ZRANB3: variants seen among roughly 807,000 people sequenced by gnomAD.
ZRANB3 encodes the protein zinc finger RANBP2-type containing 3.
ZRANB3 carries 125 observed loss-of-function variants against 133.8 expected under a neutral mutation model. The observed-to-expected ratio is 0.93, with a 90% CI of 0.81 to 1.08. The LOEUF (loss-of-function observed/expected upper bound fraction) is 1.08. Ranked by LOEUF, ZRANB3 falls within the 50% of genes least tolerant of loss-of-function variation. The pLI is 0.00. For missense variants in ZRANB3, 1,229 were observed against 1,275.5 expected, an observed-to-expected ratio of 0.96 and a Z score of 0.56; for synonymous variants, 387 against 432.7, an observed-to-expected ratio of 0.89 and a Z score of 1.31.
At chr2:135,326,760 C>T (rs949644613) in intron 6 of ZRANB3, among the ~76,000 whole-genome samples, 68 of 151,800 alleles carry the variant, frequency 4.5e-4, no homozygotes, top group Admixed American at 3.3e-3. Context: ...ATTAGCCAGG[C>T]GTGGTGGTGC....
intron 2 of ZRANB3, among the ~76,000 whole-genome samples, chr2:135,485,181 A>C (rs966686288): frequency 1.1e-4 from 17 of 148,160 alleles, no homozygotes; most frequent in African/African-American, 4.3e-4. Context: ...AACAAAACAA[A>C]ACAAAACATA....
At chr2:135,303,868 T>C (rs1682559649) in intron 8 of ZRANB3, among the ~76,000 whole-genome samples, 1 of 152,202 alleles carries the variant, frequency 6.6e-6, no homozygotes, top group Non-Finnish European at 1.5e-5. Context: ...GTTGACTTTA[T>C]TCTAAATTAG....
At chr2:135,424,594 A>G (rs528118932) in intron 2 of ZRANB3, among the ~76,000 whole-genome samples, 5 of 152,132 alleles carry the variant, frequency 3.3e-5, no homozygotes, top group African/African-American at 9.7e-5. Context: ...TTAGCCGAGC[A>G]TGGTGGAAGG....
intron 12 of ZRANB3, among the ~76,000 whole-genome samples, chr2:135,264,840 G>A (rs1680148365): frequency 6.6e-6 from 1 of 151,714 alleles, no homozygotes; most frequent in East Asian, 1.9e-4. Context: ...TCTGCCTTCA[G>A]GTGGTTCAAG....
At chr2:135,323,501 T>C (rs1048589804) in intron 6 of ZRANB3, among the ~76,000 whole-genome samples, 2 of 152,126 alleles carry the variant, frequency 1.3e-5, no homozygotes, top group Non-Finnish European at 2.9e-5. Context: ...ACAGCCCAGA[T>C]AAACAGAACA....
rs547897971 is a variant in ZRANB3, at chr2:135,314,951, T to C, written c.849+408A>G. On this transcript the variant is annotated intron_variant, in intron 7 of 20. Transcript: ENST00000264159. ...TTTTAGTAGAGACGAGTTTTCACCATGTTGGCCAGCTGGTCTCAAACTCCT... is the reference window on the plus strand; with the variant it reads ...TTTTAGTAGAGACGAGTTTTCACCACGTTGGCCAGCTGGTCTCAAACTCCT... Among the ~76,000 whole-genome samples, 33 of 152,100 alleles carry C rather than the reference T, an allele frequency of 2.2e-4. No homozygotes were observed. In the South Asian group the frequency reaches 5.8e-3, roughly 27 times the overall value.
intron 2 of ZRANB3, among the ~76,000 whole-genome samples, chr2:135,479,955 T>A (rs914636090): frequency 6.6e-6 from 1 of 151,892 alleles, no homozygotes; most frequent in Admixed American, 6.6e-5. Flanking sequence ...TTTTTTTTTT[T>A]GAGACGGATG....
chr2:135,450,335 T>C (rs1237686507), intron 2 of ZRANB3, among the ~76,000 whole-genome samples: 1 of 151,010 alleles, frequency 6.6e-6, no homozygotes. Flanking sequence ...TGAGAGCTTA[T>C]ATAACAGGCA....
chr2:135,433,491 T>C (rs969109158), intron 2 of ZRANB3, among the ~76,000 whole-genome samples: 4 of 152,190 alleles, frequency 2.6e-5, no homozygotes, highest in Non-Finnish European at 5.9e-5. Context: ...GAACCCAAGA[T>C]AGGCCTACTC....
At chr2:135,299,944 G>T (rs1682349522) in intron 8 of ZRANB3, among the ~76,000 whole-genome samples, 1 of 152,132 alleles carries the variant, frequency 6.6e-6, no homozygotes, top group South Asian at 2.1e-4. Flanking sequence ...AGCAGAGAAA[G>T]AAATCTTTTA....
In ZRANB3 at chr2:135,265,593, C is replaced by G. The variant is rs754242926; in HGVS notation, c.1480G>C (p.Glu494Gln). 9.3e-6 allele frequency: 15 copies of G among 1,613,532 alleles called. No homozygotes were observed. In the East Asian group the frequency reaches 3.1e-4, roughly 34 times the overall value. Residue 494 changes from glutamate (E) to glutamine (Q), a missense_variant, in exon 12 of 21, where the codon GAA becomes CAA. Glu to Gln is a conservative substitution (Grantham distance 29, BLOSUM62 2). Transcript: ENST00000264159. ...KEKWDFLQFAEAWTPNDSSEE... is the reference protein window; with the variant it reads ...KEKWDFLQFAQAWTPNDSSEE... The stretch of plus-strand genomic sequence containing the variant: ...GAACTGTCATTTGGAGTCCAAGCTT[C>G]AGCAAACTGCAGGAAATCCCATTTT...
chr2:135,218,983 G>T, intron 16 of ZRANB3, 94 bp downstream of exon 16: 1 of 855,968 alleles, frequency 1.2e-6, no homozygotes, highest in Non-Finnish European at 1.7e-6. Flanking sequence ...GCCACAAAGT[G>T]CTTTTTTAAA....
chr2:135,306,072 A>G (rs1271666549), intron 8 of ZRANB3, among the ~76,000 whole-genome samples: 2 of 152,132 alleles, frequency 1.3e-5, no homozygotes, highest in Non-Finnish European at 2.9e-5. Context: ...TTCAGGTTGT[A>G]TCTATTTGAT....
chr2:135,213,683 A>G (rs1161689699), intron 17 of ZRANB3, among the ~76,000 whole-genome samples: 1 of 152,160 alleles, frequency 6.6e-6, no homozygotes, highest in Non-Finnish European at 1.5e-5. Context: ...TTCTCCAGGT[A>G]TACTAGAATA....
At chr2:135,313,777 C>CA (rs1373637541) in intron 7 of ZRANB3, among the ~76,000 whole-genome samples, 172 bp from the exon 8 acceptor site, 2 of 152,162 alleles carry the variant, frequency 1.3e-5, no homozygotes, top group Non-Finnish European at 2.9e-5. Context: ...AGAGGTAGGT[C>CA]AGTCACATTT....
chr2:135,288,660 C>G (rs1207949662), intron 8 of ZRANB3, among the ~76,000 whole-genome samples: 1 of 152,052 alleles, frequency 6.6e-6, no homozygotes. Context: ...AGGAATTTAT[C>G]CATGTCTTCT....
intron 2 of ZRANB3, among the ~76,000 whole-genome samples, chr2:135,426,511 T>C (rs1198690360): frequency 3.9e-5 from 6 of 152,040 alleles, no homozygotes; most frequent in Non-Finnish European, 2.9e-5. Flanking sequence ...GTAGGCTTTA[T>C]CCTTGGGATG....
intron 2 of ZRANB3, among the ~76,000 whole-genome samples, chr2:135,395,358 C>T (rs570522906): frequency 1.3e-5 from 2 of 151,512 alleles, no homozygotes; most frequent in East Asian, 3.9e-4. Context: ...GGATTAAAGA[C>T]TTAAATCTAA....
chr2:135,496,974 G>T (rs1482332087), intron 2 of ZRANB3, among the ~76,000 whole-genome samples: 1 of 152,120 alleles, frequency 6.6e-6, no homozygotes, highest in Non-Finnish European at 1.5e-5. Context: ...ATCCTTAAGA[G>T]AATCCAATAA....
Sources: allele counts gnomAD v4.1 joint callset (sites outside exome capture counted in the v4.1 genomes callset), GRCh38; gene constraint gnomAD v4.1.1; transcripts MANE v1.5; gene names NCBI Gene and HGNC (gene_info 2026-07-23, HGNC 2026-07-21).